LMO3: variants seen among roughly 807,000 people sequenced by gnomAD.
The protein encoded by LMO3 is LIM domain only protein 3.
A neutral mutation model predicts 15.8 loss-of-function variants in LMO3; 2 were observed. The ratio of observed to expected loss-of-function variants is 0.13; its 90% confidence interval spans 0.05 to 0.40. The LOEUF is 0.40. Among genes scored for constraint, LMO3 ranks in the 10% least tolerant of loss-of-function variants. The pLI is 0.99. For synonymous variants in LMO3, 62 were observed against 63.8 expected, an observed-to-expected ratio of 0.97 and a Z score of 0.13; for missense variants, 86 against 182.2, an observed-to-expected ratio of 0.47 and a Z score of 3.04.
chr12:16,594,909 T>A (rs968277990), intron 2 of LMO3, among the ~76,000 whole-genome samples: 1 of 151,604 alleles, frequency 6.6e-6, no homozygotes, highest in African/African-American at 2.4e-5. Context: ...AGTTTATAAA[T>A]GAAGTGCTGG....
At chr12:16,595,400 T>C (rs1164995408) in intron 2 of LMO3, among the ~76,000 whole-genome samples, 1 of 151,432 alleles carries the variant, frequency 6.6e-6, no homozygotes, top group Non-Finnish European at 1.5e-5. Context: ...GTGCAGTAAA[T>C]ATTTTTAATA....
chr12:16,591,556 G>A lies in LMO3; in HGVS notation c.206+9099C>T, dbSNP rs1222701170. ...TGTTTTATTTAGTGCTTATGTCAAG[G>A]CCTTTTACAGTACCTAGAATATACA... On this transcript the variant is annotated intron_variant, in intron 2 of 3. Transcript: ENST00000537304. This position sits in a 1 kb window ranked among gnomAD's most constrained non-coding sequence, Gnocchi z 4.1. Among the ~76,000 whole-genome samples the A allele has an allele frequency of 6.6e-6, 1 of 151,950 alleles. No individual in the cohort carries two copies. Among genetic ancestry groups the A allele is most frequent in the Non-Finnish European group, 1.5e-5 (1 of 67,942 alleles).
rs944143180 is a variant in LMO3 at position 16,586,198 on chromosome 12, A to T, written c.206+14457T>A. 6.6e-6 allele frequency among the ~76,000 whole-genome samples: 1 copy of T among 152,224 alleles called. No individual in the cohort carries two copies. The highest frequency in any genetic ancestry group is 1.5e-5 in the Non-Finnish European group (1 of 68,040). On this transcript the variant is annotated intron_variant, in intron 2 of 3. Coordinates refer to ENST00000537304, the MANE Select transcript of LMO3 (RefSeq NM_018640.5). This position sits in a 1 kb window ranked among gnomAD's most constrained non-coding sequence, Gnocchi z 4.3. ...CCAGTTTTTCAGGTAATCTGCCATA[A>T]ATACTATTTCCTTCAGATGACTTCT...
At chr12:16,595,480 G>A (rs1353585193) in intron 2 of LMO3, among the ~76,000 whole-genome samples, 1 of 150,992 alleles carries the variant, frequency 6.6e-6, no homozygotes, top group African/African-American at 2.4e-5. Flanking sequence ...CCAGAATGAG[G>A]GGCACTCTTC....
chr12:16,553,763 C>CAGAT (rs886201612), intron 3 of LMO3, among the ~76,000 whole-genome samples: 1 of 151,272 alleles, frequency 6.6e-6, no homozygotes, highest in African/African-American at 2.4e-5. Flanking sequence ...GACAGCAATA[C>CAGAT]AGATAGTATG....
rs1271792029 is a variant in LMO3 at position 16,559,629 on chromosome 12, A to C, written c.332+784T>G. On this transcript the variant is annotated intron_variant, in intron 3 of 3. Transcript: ENST00000537304. The surrounding 1 kb of genome is among the most constrained non-coding windows in gnomAD (Gnocchi z 4.1). The stretch of plus-strand genomic sequence containing the variant: ...ATATTTGAAGTAACTGCAAAAGTAC[A>C]TATAGGACAGGGTTAAAATTTAAGG... Among the ~76,000 whole-genome samples, 1 of 152,134 alleles carries C rather than the reference A, an allele frequency of 6.6e-6. No individual in the cohort carries two copies. Among genetic ancestry groups the C allele is most frequent in the Non-Finnish European group, 1.5e-5 (1 of 68,024 alleles).
chr12:16,604,811 G>C lies in LMO3; in HGVS notation c.-9+1255C>G. 1 of 1,574,920 alleles carries C rather than the reference G, an allele frequency of 6.3e-7. No homozygotes were observed. The highest frequency in any genetic ancestry group is 8.6e-7 in the Non-Finnish European group (1 of 1,158,718). On this transcript the variant is annotated intron_variant, in intron 1 of 3. Coordinates refer to ENST00000537304, the MANE Select transcript of LMO3 (RefSeq NM_018640.5). The surrounding 1 kb of genome is among the most constrained non-coding windows in gnomAD (Gnocchi z 5.3). ...CGGAAAAGCAGAAAGGCTTTTGAGC[G>C]GCCAGGAGTGCAGAGCGCCAGCAAA... is the stretch of plus-strand genomic sequence containing the variant.
chr12:16,604,544 A>G lies in LMO3; in HGVS notation c.-9+1522T>C. ...ATTTGCAAGACTGAGTTCAATTTTG[A>G]TGCAGCTCACATGCAAAATAAAAAA... is the stretch of plus-strand genomic sequence containing the variant. On this transcript the variant is annotated intron_variant, in intron 1 of 3. Coordinates refer to ENST00000537304, the MANE Select transcript of LMO3 (RefSeq NM_018640.5). The surrounding 1 kb of genome is among the most constrained non-coding windows in gnomAD (Gnocchi z 5.3). 1 of 302,232 alleles carries G rather than the reference A, an allele frequency of 3.3e-6. No individual in the cohort carries two copies. 18.7% of individuals were successfully genotyped at this position (302,232 alleles called of 1,614,324 possible).
Position 16,555,414 on chromosome 12 carries a change from T to A in LMO3, c.333-4087A>T, listed in dbSNP as rs1431317284. Among the ~76,000 whole-genome samples, 1 of 152,222 alleles carries A rather than the reference T, an allele frequency of 6.6e-6. No homozygotes were observed. The highest frequency in any genetic ancestry group is 2.4e-5 in the African/African-American group (1 of 41,470). On this transcript the variant is annotated intron_variant, in intron 3 of 3. Transcript: ENST00000537304. This position sits in a 1 kb window ranked among gnomAD's most constrained non-coding sequence, Gnocchi z 5.5. ...ATGTGTAACTGGTTTGCCATTATAG[T>A]CAGCAGTTCTGCGGTAAATGACCAC...
intron 3 of LMO3, among the ~76,000 whole-genome samples, chr12:16,553,330 C>T (rs1942064164): frequency 6.6e-6 from 1 of 152,074 alleles, no homozygotes; most frequent in Non-Finnish European, 1.5e-5. Context: ...GGCAGTAAAG[C>T]ATGCAGGCTA....
In LMO3 at chr12:16,549,385, A is replaced by G. The variant is rs2137230581; in HGVS notation, c.*1837T>C. 6.6e-6 allele frequency: 1 copy of G among 152,650 alleles called. No homozygotes were observed. The highest frequency in any genetic ancestry group is 2.4e-5 in the African/African-American group (1 of 41,572). 9.5% of individuals were successfully genotyped at this position (152,650 alleles called of 1,614,324 possible). A position where few individuals can be genotyped will look rare whatever the true frequency, so the allele number is the denominator to read the frequency against. ...AACCATGAAGCATTTGGAAAAATAC[A>G]TATCATTCACTTTTCACAGAACCAT... On this transcript the variant is annotated 3_prime_UTR_variant, in exon 4 of 4. Transcript: ENST00000537304.
At chr12:16,605,007 C>T in intron 1 of LMO3, 1 of 1,587,314 alleles carries the variant, frequency 6.3e-7, no homozygotes, top group East Asian at 2.2e-5. Flanking sequence ...GCGCAGCCTA[C>T]ACCGCCGAGG....
Position 16,599,017 on chromosome 12 carries a change from C to A in LMO3, c.206+1638G>T, listed in dbSNP as rs1426911578. 4.1e-6 allele frequency: 1 copy of A among 245,672 alleles called. No homozygotes were observed. Among genetic ancestry groups the A allele is most frequent in the Non-Finnish European group, 8.3e-6 (1 of 120,022 alleles). The allele number at this position is 245,672 out of a possible 1,614,324, so 15.2% of individuals were successfully genotyped here. On this transcript the variant is annotated intron_variant, in intron 2 of 3. Coordinates refer to ENST00000537304, the MANE Select transcript of LMO3 (RefSeq NM_018640.5). The surrounding 1 kb of genome is among the most constrained non-coding windows in gnomAD (Gnocchi z 4.1). ...GTCAAAAGGAGTCAAAAAGCTATGA[C>A]TATTGGTTAGTACAGATAAAGCAAA...
intron 1 of LMO3, chr12:16,602,160 A>T (rs1943842192): frequency 6.6e-6 from 1 of 152,252 alleles, no homozygotes; most frequent in Admixed American, 6.5e-5. Flanking sequence ...TTAAACTTGC[A>T]TGTAGAAGGA....
chr12:16,570,656 G>C (rs1865410083), intron 2 of LMO3, among the ~76,000 whole-genome samples: 1 of 152,058 alleles, frequency 6.6e-6, no homozygotes, highest in South Asian at 2.1e-4. Context: ...GCTTAGCAAA[G>C]CTCCACTGTG....
chr12:16,572,339 C>CTTTTTTTTTTTTT (rs59773866), intron 2 of LMO3, among the ~76,000 whole-genome samples: 2 of 89,530 alleles, frequency 2.2e-5, no homozygotes, highest in African/African-American at 4.2e-5. Context: ...GGTCCAAACT[C>CTTTTTTTTTTTTT]TTTTTTTTTT....
rs565316193 is a variant in LMO3 at position 16,596,689 on chromosome 12, C to G, written c.206+3966G>C. ...ATAAAAGCATGTAGAATTCCTAATT[C>G]TAAGACTCTGATTATGCACTGGCTG... On this transcript the variant is annotated intron_variant, in intron 2 of 3. Transcript: ENST00000537304. This position sits in a 1 kb window ranked among gnomAD's most constrained non-coding sequence, Gnocchi z 4.3. 4.0e-4 allele frequency among the ~76,000 whole-genome samples: 61 copies of G among 151,758 alleles called. No individual in the cohort carries two copies. In the Middle Eastern group the frequency reaches 0.01, roughly 25 times the overall value.
In LMO3 at chr12:16,576,599, C is replaced by G. The variant is rs1943003081; in HGVS notation, c.207-16061G>C. Among the ~76,000 whole-genome samples the G allele has an allele frequency of 6.6e-6, 1 of 152,210 alleles. No individual in the cohort carries two copies. Among genetic ancestry groups the G allele is most frequent in the Non-Finnish European group, 1.5e-5 (1 of 68,042 alleles). Reference sequence around the variant, plus strand: ...GTATCAGTTACGTACCTGTTTGTCTCTTTCTCACTACATAATAAGCTCCCT... The same window carrying G: ...GTATCAGTTACGTACCTGTTTGTCTGTTTCTCACTACATAATAAGCTCCCT... On this transcript the variant is annotated intron_variant, in intron 2 of 3. Coordinates refer to ENST00000537304, the MANE Select transcript of LMO3 (RefSeq NM_018640.5). This position sits in a 1 kb window ranked among gnomAD's most constrained non-coding sequence, Gnocchi z 4.1.
In LMO3 at chr12:16,593,684, G is replaced by T. The variant is rs965474789; in HGVS notation, c.206+6971C>A. ...AAACGTTTGGCTTCTATAATAAGAGGATATGCTTAGGTCCTAATTCCTTTA... is the reference window on the plus strand; with the variant it reads ...AAACGTTTGGCTTCTATAATAAGAGTATATGCTTAGGTCCTAATTCCTTTA... On this transcript the variant is annotated intron_variant, in intron 2 of 3. Coordinates refer to ENST00000537304, the MANE Select transcript of LMO3 (RefSeq NM_018640.5). This position sits in a 1 kb window ranked among gnomAD's most constrained non-coding sequence, Gnocchi z 4.2. Among the ~76,000 whole-genome samples, 5 of 151,692 alleles carry T rather than the reference G, an allele frequency of 3.3e-5. No individual in the cohort carries two copies. The highest frequency in any genetic ancestry group is 1.2e-4 in the African/African-American group (5 of 41,380).
Sources: allele counts gnomAD v4.1 joint callset (sites outside exome capture counted in the v4.1 genomes callset), GRCh38; gene constraint gnomAD v4.1.1; non-coding constraint Gnocchi (gnomAD v3.1); transcripts MANE v1.5; gene names NCBI Gene and HGNC (gene_info 2026-07-23, HGNC 2026-07-21).